The following NAV3 variants were observed in gnomAD, a reference collection of about 807,000 sequenced individuals.
The protein encoded by NAV3 is pore membrane and/or filament interacting like protein 1.
Under a neutral mutation model 244.7 loss-of-function variants are expected in NAV3, and 87 were observed. That is an observed-to-expected ratio of 0.36 (90% CI 0.30 to 0.42). The LOEUF (loss-of-function observed/expected upper bound fraction) is 0.42. NAV3 is among the 20% of genes least tolerant of loss of function. The probability of loss-of-function intolerance (pLI) is 1.00; values close to 1 mark genes in which losing one functional copy is unlikely to be tolerated. For synonymous variants in NAV3, 1,126 were observed against 1,042.2 expected, an observed-to-expected ratio of 1.08 and a Z score of -1.55; for missense variants, 2,663 against 2,893.3, an observed-to-expected ratio of 0.92 and a Z score of 1.83.
intron 1 of NAV3, among the ~76,000 whole-genome samples, chr12:77,912,642 T>C (rs1225995626): frequency 6.6e-6 from 1 of 152,146 alleles, no homozygotes; most frequent in African/African-American, 2.4e-5. Context: ...TTTGTTTTCA[T>C]TTTTTGAGAC....
intron 9 of NAV3, among the ~76,000 whole-genome samples, chr12:78,049,626 G>A (rs574554984): frequency 6.6e-6 from 1 of 150,424 alleles, no homozygotes; most frequent in South Asian, 2.1e-4. Context: ...ATCTCACTGG[G>A]AGCAGCAGAC....
intron 1 of NAV3, among the ~76,000 whole-genome samples, chr12:77,870,404 A>G (rs1271825287): frequency 6.6e-6 from 1 of 151,732 alleles, no homozygotes; most frequent in Non-Finnish European, 1.5e-5. Flanking sequence ...TAATTGCTAC[A>G]TCTCTAAAAT....
At chr12:77,747,371 A>C (rs1868603144) in intron 2 of NAV3, among the ~76,000 whole-genome samples, 1 of 152,210 alleles carries the variant, frequency 6.6e-6, no homozygotes. Flanking sequence ...ATCATTAAAA[A>C]GTCAGGAAAC....
At chr12:77,696,148 A>G (rs764451493) in intron 2 of NAV3, among the ~76,000 whole-genome samples, 19 of 152,260 alleles carry the variant, frequency 1.2e-4, no homozygotes, top group South Asian at 6.2e-4. Flanking sequence ...AAGGATCCCA[A>G]TAATTTTTCC....
chr12:77,724,697 T>C (rs1340964151), intron 2 of NAV3, among the ~76,000 whole-genome samples: 1 of 151,732 alleles, frequency 6.6e-6, no homozygotes, highest in Non-Finnish European at 1.5e-5. Context: ...CAATATCCTA[T>C]CTATGAAATT....
chr12:78,161,223 C>T (rs1957532222), intron 23 of NAV3, among the ~76,000 whole-genome samples: 1 of 152,022 alleles, frequency 6.6e-6, no homozygotes, highest in Admixed American at 6.6e-5. Context: ...GTAGGATCAC[C>T]ATGAGGAGTA....
chr12:77,712,633 G>A (rs910196210), intron 2 of NAV3, among the ~76,000 whole-genome samples: 5 of 152,134 alleles, frequency 3.3e-5, no homozygotes, highest in African/African-American at 1.2e-4. Context: ...TGTTTTGCCT[G>A]TTGGATTCTT....
chr12:78,168,598 G>A (rs1362700024), intron 23 of NAV3, among the ~76,000 whole-genome samples, 157 bp from the exon 24 acceptor site: 1 of 151,804 alleles, frequency 6.6e-6, no homozygotes, highest in Non-Finnish European at 1.5e-5. Flanking sequence ...AGCTGAGAAA[G>A]AAGTTATTAG....
intron 4 of NAV3, among the ~76,000 whole-genome samples, chr12:77,967,530 G>C (rs1218741565): frequency 6.6e-6 from 1 of 152,066 alleles, no homozygotes; most frequent in Non-Finnish European, 1.5e-5. Flanking sequence ...AATCCAAAGA[G>C]TTGGTTAATT....
intron 1 of NAV3, among the ~76,000 whole-genome samples, chr12:77,912,872 A>C (rs997000629): frequency 6.6e-6 from 1 of 152,140 alleles, no homozygotes; most frequent in Admixed American, 6.6e-5. Context: ...TTGGCCTCCC[A>C]AAGTGCTGGG....
intron 2 of NAV3, among the ~76,000 whole-genome samples, chr12:77,635,328 G>A (rs1872111520): frequency 6.6e-6 from 1 of 152,028 alleles, no homozygotes; most frequent in African/African-American, 2.4e-5. Flanking sequence ...TTGAGTAGCT[G>A]GGACTACAAA....
intron 2 of NAV3, among the ~76,000 whole-genome samples, chr12:77,704,719 G>T (rs866031232): frequency 1.2e-4 from 18 of 152,258 alleles, no homozygotes; most frequent in Middle Eastern, 3.4e-3. Context: ...TAGTAAATTA[G>T]AGTGGTTAAA....
chr12:77,723,262 G>A (rs1044885243), intron 2 of NAV3, among the ~76,000 whole-genome samples: 8 of 95,896 alleles, frequency 8.3e-5, no homozygotes, highest in South Asian at 1.3e-3. Context: ...AAGTGACTGC[G>A]AATAAAGTAA....
chr12:78,033,399 C>A (rs12816725), intron 9 of NAV3, among the ~76,000 whole-genome samples: 20 of 152,048 alleles, frequency 1.3e-4, no homozygotes, highest in Non-Finnish European at 2.2e-4. Flanking sequence ...TATTTTAGGT[C>A]TTGGCGTAAT....
At chr12:77,932,430 T>C (rs1438762500) in intron 1 of NAV3, among the ~76,000 whole-genome samples, 1 of 152,152 alleles carries the variant, frequency 6.6e-6, no homozygotes, top group Non-Finnish European at 1.5e-5. Flanking sequence ...CAGGCTTCTG[T>C]GGGTCCATCT....
intron 1 of NAV3, among the ~76,000 whole-genome samples, chr12:77,890,554 A>G (rs905280704): frequency 1.1e-4 from 17 of 152,176 alleles, no homozygotes; most frequent in African/African-American, 3.6e-4. Context: ...TGCTTCCTAC[A>G]TGGTTATCAA....
chr12:77,943,182 A>C (rs965789400), intron 3 of NAV3, among the ~76,000 whole-genome samples: 1 of 152,162 alleles, frequency 6.6e-6, no homozygotes, highest in African/African-American at 2.4e-5. Flanking sequence ...GAGTCTCTTG[A>C]GTTTCAGACT....
chr12:77,698,999 C>T (rs1441962216), intron 2 of NAV3, among the ~76,000 whole-genome samples: 1 of 152,058 alleles, frequency 6.6e-6, no homozygotes, highest in African/African-American at 2.4e-5. Context: ...TAAATTAAAT[C>T]ATAAACCTAA....
rs149682572 is a variant in NAV3, at chr12:78,061,944, T to G, written c.2636+2829T>G. Among the ~76,000 whole-genome samples, 400 of 152,230 alleles carry G rather than the reference T, an allele frequency of 2.6e-3. 4 individuals carry two copies. Among genetic ancestry groups the G allele is most frequent in the African/African-American group, 9.3e-3 (388 of 41,560 alleles). On this transcript the variant is annotated intron_variant, in intron 12 of 39. Coordinates refer to ENST00000397909, the MANE Select transcript of NAV3 (RefSeq NM_001024383.2). ...GAAGACAATTGCAGAAAATGTCAAC[T>G]GGGGAAATTTTATTCTACTAAAAAC... is the stretch of plus-strand genomic sequence containing the variant.
Sources: gnomAD v4.1 joint callset for allele counts (sites outside exome capture counted in the v4.1 genomes callset) on GRCh38, gnomAD v4.1.1 for gene constraint, MANE v1.5 for transcripts, NCBI Gene and HGNC (gene_info 2026-07-23, HGNC 2026-07-21) for gene names.